ANKS1B: variants seen among roughly 807,000 people sequenced by gnomAD.
ANKS1B encodes ankyrin repeat and sterile alpha motif domain-containing protein 1B.
Under a neutral mutation model 148.3 loss-of-function variants are expected in ANKS1B, and 36 were observed. The observed-to-expected ratio is 0.24, with a 90% CI of 0.19 to 0.32. The LOEUF (loss-of-function observed/expected upper bound fraction) is 0.32. Among genes scored for constraint, ANKS1B ranks in the 10% least tolerant of loss-of-function variants. The probability of loss-of-function intolerance (pLI) is 1.00; values close to 1 mark genes in which losing one functional copy is unlikely to be tolerated. For synonymous variants in ANKS1B, 542 were observed against 560.8 expected (o/e 0.97, Z 0.47); for missense variants, 1,157 against 1,542.6 (o/e 0.75, Z 4.19).
intron 8 of ANKS1B, among the ~76,000 whole-genome samples, chr12:99,688,429 C>T (rs2098661392): frequency 6.6e-6 from 1 of 152,180 alleles, no homozygotes; most frequent in Admixed American, 6.5e-5. Flanking sequence ...CAACTGAAAA[C>T]ATCTGTTTTA....
At chr12:99,883,044 G>A (rs2092617589) in intron 1 of ANKS1B, among the ~76,000 whole-genome samples, 1 of 152,212 alleles carries the variant, frequency 6.6e-6, no homozygotes. Flanking sequence ...AGATAATGAT[G>A]CCATATGCAA....
chr12:99,642,608 G>A (rs1359152829), intron 9 of ANKS1B, among the ~76,000 whole-genome samples: 4 of 152,088 alleles, frequency 2.6e-5, no homozygotes, highest in Non-Finnish European at 5.9e-5. Flanking sequence ...CTGAGGTCAG[G>A]AGTTCAAGAC....
chr12:99,555,230 C>T (rs1324695055), intron 9 of ANKS1B, among the ~76,000 whole-genome samples: 1 of 151,988 alleles, frequency 6.6e-6, no homozygotes, highest in African/African-American at 2.4e-5. Context: ...GGAGAAATTG[C>T]CCAACTACCG....
At chr12:99,596,809 C>T (rs969663774) in intron 9 of ANKS1B, among the ~76,000 whole-genome samples, 18 of 151,888 alleles carry the variant, frequency 1.2e-4, no homozygotes, top group South Asian at 1.0e-3. Context: ...AATTTCACTA[C>T]GCTACTTTTA....
intron 1 of ANKS1B, among the ~76,000 whole-genome samples, chr12:99,961,119 C>T (rs2095406480): frequency 6.6e-6 from 1 of 152,162 alleles, no homozygotes; most frequent in Non-Finnish European, 1.5e-5. Context: ...GTCTCAGCTA[C>T]TCAGGAGGCT....
At chr12:99,509,388 T>A (rs758598590) in intron 9 of ANKS1B, among the ~76,000 whole-genome samples, 3 of 151,912 alleles carry the variant, frequency 2.0e-5, no homozygotes, top group Non-Finnish European at 4.4e-5. Context: ...AAGGAAAAGT[T>A]CTTGAAGGAA....
At chr12:99,213,450 G>T (rs753662388) in intron 14 of ANKS1B, among the ~76,000 whole-genome samples, 11 of 152,212 alleles carry the variant, frequency 7.2e-5, no homozygotes, top group Non-Finnish European at 1.3e-4. Flanking sequence ...CACTGGGGAA[G>T]AGTAGAAACC....
chr12:99,564,041 G>A (rs1004279366), intron 9 of ANKS1B, among the ~76,000 whole-genome samples: 2 of 151,874 alleles, frequency 1.3e-5, no homozygotes, highest in African/African-American at 2.4e-5. Context: ...TTATTCACTC[G>A]GTTCTCTAGA....
intron 8 of ANKS1B, among the ~76,000 whole-genome samples, chr12:99,711,297 TA>T (rs2056602935): frequency 6.6e-6 from 1 of 152,168 alleles, no homozygotes; most frequent in South Asian, 2.1e-4. Flanking sequence ...TTAATTTTTT[TA>T]ACTTTTAAGT....
chr12:98,765,953 A>G (rs765492079), intron 25 of ANKS1B, among the ~76,000 whole-genome samples: 6 of 152,196 alleles, frequency 3.9e-5, no homozygotes, highest in Non-Finnish European at 7.3e-5. Context: ...TCAAAACCAG[A>G]CTGATTCTAA....
chr12:99,457,665 A>C lies in ANKS1B; in HGVS notation c.1439-13856T>G, dbSNP rs370295674. ...ACAAAACAAACTTTAAAGCAGCAGC[A>C]GTTAAAAAAGACAAAGAAGGACATA... On this transcript the variant is annotated intron_variant, in intron 10 of 26. Coordinates refer to ENST00000683438, the MANE Select transcript of ANKS1B (RefSeq NM_001352186.2). 3.3e-5 allele frequency among the ~76,000 whole-genome samples: 5 copies of C among 152,302 alleles called. No homozygotes were observed. The East Asian group carries it at 5.8e-4, about 18-fold the overall frequency.
At chr12:99,009,029 T>C (rs987205370) in intron 17 of ANKS1B, among the ~76,000 whole-genome samples, 3 of 152,154 alleles carry the variant, frequency 2.0e-5, no homozygotes, top group African/African-American at 7.2e-5. Flanking sequence ...AGTTCAATCA[T>C]GGTCTACACT....
At chr12:99,199,405 C>T (rs1264471244) in intron 14 of ANKS1B, among the ~76,000 whole-genome samples, 1 of 152,126 alleles carries the variant, frequency 6.6e-6, no homozygotes, top group Non-Finnish European at 1.5e-5. Context: ...TCACTTTCAG[C>T]CCTAGTCTTC....
chr12:99,553,196 T>C (rs2097240407), intron 9 of ANKS1B, among the ~76,000 whole-genome samples: 1 of 152,202 alleles, frequency 6.6e-6, no homozygotes, highest in Non-Finnish European at 1.5e-5. Context: ...AAACGAAGTA[T>C]ACTAGGTATA....
intron 16 of ANKS1B, among the ~76,000 whole-genome samples, chr12:99,080,864 T>C (rs919686103): frequency 6.6e-6 from 1 of 152,178 alleles, no homozygotes; most frequent in Non-Finnish European, 1.5e-5. Context: ...CATTTTCTTG[T>C]GGAACTTTGG....
intron 9 of ANKS1B, among the ~76,000 whole-genome samples, chr12:99,638,216 A>G (rs1179888338): frequency 6.6e-6 from 1 of 152,190 alleles, no homozygotes; most frequent in Non-Finnish European, 1.5e-5. Flanking sequence ...TAACCGGCAG[A>G]GGTTGGAACA....
At chr12:99,303,989 A>G (rs1372840645) in intron 12 of ANKS1B, among the ~76,000 whole-genome samples, 4 of 152,006 alleles carry the variant, frequency 2.6e-5, no homozygotes, top group African/African-American at 9.7e-5. Context: ...GCAGTATTCC[A>G]TGGTATTCTT....
intron 8 of ANKS1B, among the ~76,000 whole-genome samples, chr12:99,708,894 T>C (rs1355431718): frequency 6.6e-6 from 1 of 152,170 alleles, no homozygotes; most frequent in Non-Finnish European, 1.5e-5. Flanking sequence ...GTCTCATAAA[T>C]GTTTTAATTG....
chr12:99,590,258 C>CCACACACACACACACA (rs374132496), intron 9 of ANKS1B, among the ~76,000 whole-genome samples: 1 of 132,806 alleles, frequency 7.5e-6, no homozygotes, highest in East Asian at 2.9e-4. Context: ...CCACACCCAC[C>CCACACACACACACACA]CACACACACA....
Sources: gnomAD v4.1 joint callset for allele counts (sites outside exome capture counted in the v4.1 genomes callset) on GRCh38, gnomAD v4.1.1 for gene constraint, MANE v1.5 for transcripts, NCBI Gene and HGNC (gene_info 2026-07-23, HGNC 2026-07-21) for gene names.